Variants in WSCD1 observed in about 807,000 individuals in gnomAD.
WSCD1 encodes the protein sialate:O-sulfotransferase 1.
WSCD1 carries 41 observed loss-of-function variants against 60.4 expected under a neutral mutation model. That is an observed-to-expected ratio of 0.68 (90% CI 0.53 to 0.88). The LOEUF is 0.88. Ranked by LOEUF, WSCD1 falls within the 40% of genes least tolerant of loss-of-function variation. WSCD1 has a pLI of 0.00. For synonymous variants in WSCD1, 361 were observed against 332.5 expected, an observed-to-expected ratio of 1.09 and a Z score of -0.93; for missense variants, 784 against 796.2, an observed-to-expected ratio of 0.98 and a Z score of 0.18.
At chr17:6,100,608 A>AG (rs544239028) in intron 5 of WSCD1, among the ~76,000 whole-genome samples, 9 of 152,240 alleles carry the variant, frequency 5.9e-5, no homozygotes, top group Non-Finnish European at 1.3e-4. Flanking sequence ...ACTCTAGAGC[A>AG]GGGGTTCACA....
intron 1 of WSCD1, chr17:6,071,286 G>A (rs916622): frequency 0.046 from 6,950 of 152,510 alleles, 206 homozygotes; most frequent in Admixed American, 0.067. Flanking sequence ...ACTCAGGAGC[G>A]TACGTACCTG....
intron 5 of WSCD1, among the ~76,000 whole-genome samples, chr17:6,104,664 C>A (rs1910986904): frequency 6.6e-6 from 1 of 152,192 alleles, no homozygotes; most frequent in Non-Finnish European, 1.5e-5. Context: ...CCTTGAATAT[C>A]CAGATCTGCC....
chr17:6,095,120 G>T lies in WSCD1; in HGVS notation c.746G>T (p.Arg249Leu), dbSNP rs777988830. The change falls in exon 5 of 9, where the codon CGC becomes CTC. Residue 249 changes from arginine (R) to leucine (L), a missense_variant. By Grantham distance (102) the Arg-to-Leu change is moderately radical. Transcript: ENST00000317744. ...CCCCCAGGGCGGACCGCCACCTACC[G>T]CGGATGCTTCCGACTGCCAGAGAAC... ...GSRKRRTATY[R>L]GCFRLPENIT... 1 of 1,612,524 alleles carries T rather than the reference G, an allele frequency of 6.2e-7. No individual in the cohort carries two copies. The highest frequency in any genetic ancestry group is 1.3e-5 in the African/African-American group (1 of 74,882).
intron 4 of WSCD1, among the ~76,000 whole-genome samples, chr17:6,091,971 A>G (rs951135785): frequency 1.3e-5 from 2 of 152,234 alleles, no homozygotes; most frequent in East Asian, 3.9e-4. Flanking sequence ...CCTGACCAAC[A>G]TGGTGAAAAC....
intron 2 of WSCD1, among the ~76,000 whole-genome samples, chr17:6,085,164 G>A (rs376339914): frequency 6.6e-6 from 1 of 152,106 alleles, no homozygotes; most frequent in Non-Finnish European, 1.5e-5. Context: ...AATAATAATG[G>A]CTGTTATTTA....
chr17:6,069,304 ATCTT>A (rs547022947), upstream of WSCD1: 51 of 398,610 alleles, frequency 1.3e-4, no homozygotes, highest in East Asian at 1.8e-3. Context: ...CCTGGGAAAA[ATCTT>A]TAGGTTTGGA....
At chr17:6,079,850 G>A (rs962039817) in intron 1 of WSCD1, among the ~76,000 whole-genome samples, 10 of 152,322 alleles carry the variant, frequency 6.6e-5, no homozygotes, top group African/African-American at 2.2e-4. Context: ...TCCAGGCTCC[G>A]AACACAGACT....
chr17:6,102,976 T>A (rs1597365466), intron 5 of WSCD1, among the ~76,000 whole-genome samples: 2 of 152,234 alleles, frequency 1.3e-5, no homozygotes, highest in African/African-American at 4.8e-5. Context: ...ATATGAGCCC[T>A]TTTAAGACTT....
At chr17:6,082,940 G>A (rs1909372889) in intron 2 of WSCD1, among the ~76,000 whole-genome samples, 1 of 152,180 alleles carries the variant, frequency 6.6e-6, no homozygotes, top group East Asian at 1.9e-4. Flanking sequence ...GAGGGCTGTG[G>A]GTTCATGTCG....
In WSCD1 at chr17:6,117,968, CCT is replaced by C. The variant is rs1282538272; in HGVS notation, c.1175-16_1175-15del. 2.5e-6 allele frequency: 4 copies of C among 1,612,260 alleles called. No homozygotes were observed. The highest frequency in any genetic ancestry group is 3.4e-6 in the Non-Finnish European group (4 of 1,179,578). ...CATGGACACCATCTTCCACAGAGACCCTCTCATTTTTCCCTGCAGGGTTCAAG... is the reference window on the plus strand; with the variant it reads ...CATGGACACCATCTTCCACAGAGACCCTCATTTTTCCCTGCAGGGTTCAAG... On this transcript the variant is annotated intron_variant, in intron 7 of 8. Transcript: ENST00000317744.
chr17:6,070,365 G>C (rs1039536596), upstream of WSCD1: 1 of 147,342 alleles, frequency 6.8e-6, no homozygotes, highest in Non-Finnish European at 1.5e-5. Context: ...CCCGGGCCGC[G>C]CGAGTGAGCA....
At chr17:6,120,253 C>A in intron 8 of WSCD1, 56 bp from the exon 9 acceptor site, 2 of 1,563,474 alleles carry the variant, frequency 1.3e-6, no homozygotes, top group South Asian at 1.2e-5. Flanking sequence ...CCCCGGGGAC[C>A]GGCAGCCCTG....
At chr17:6,082,534 T>C (rs1371163249) in intron 2 of WSCD1, among the ~76,000 whole-genome samples, 1 of 152,188 alleles carries the variant, frequency 6.6e-6, no homozygotes, top group African/African-American at 2.4e-5. Context: ...CTGTTTATGC[T>C]GAATTATGCA....
chr17:6,099,148 A>G (rs1396743061), intron 5 of WSCD1, among the ~76,000 whole-genome samples: 1 of 152,174 alleles, frequency 6.6e-6, no homozygotes, highest in East Asian at 1.9e-4. Context: ...TATTTTAGGC[A>G]GAAAGTAAGG....
rs1207578787 is a variant in WSCD1 at position 6,094,774 on chromosome 17, AGAAGGAAG to A, written c.728-318_728-311del. ...GGAATGGAGAACTGGCAGAAGCAAG[AGAAGGAAG>A]GAAGGAAGGGAGGAAGGGAGGGAGG... On this transcript the variant is annotated intron_variant, in intron 4 of 8. Coordinates refer to ENST00000317744, the MANE Select transcript of WSCD1 (RefSeq NM_015253.2). Among the ~76,000 whole-genome samples the A allele has an allele frequency of 7.1e-5, 10 of 141,778 alleles. No homozygotes were observed. In the East Asian group the frequency reaches 1.6e-3, roughly 22 times the overall value. The allele number at this position is 141,778 out of a possible 152,430, so 93.0% of individuals were successfully genotyped here.
intron 5 of WSCD1, among the ~76,000 whole-genome samples, chr17:6,097,488 T>G (rs1041530196): frequency 2.6e-5 from 4 of 152,342 alleles, no homozygotes; most frequent in Middle Eastern, 3.4e-3. Context: ...GCACCCGCCC[T>G]TCTGCACTGA....
Position 6,110,698 on chromosome 17 carries a change from T to A in WSCD1, c.1010-73T>A. ...GGGAGTCTTCGTTCATCAGTTCCTC[T>A]AAGGGAGTTTAGTGGTGAATTGGTG... On this transcript the variant is annotated intron_variant, in intron 6 of 8. Transcript: ENST00000317744. The surrounding 1 kb of genome is among the most constrained non-coding windows in gnomAD (Gnocchi z 4.8). 2 of 1,531,512 alleles carry A rather than the reference T, an allele frequency of 1.3e-6. No homozygotes were observed. The highest frequency in any genetic ancestry group is 1.8e-6 in the Non-Finnish European group (2 of 1,130,176). The allele number at this position is 1,531,512 out of a possible 1,614,324, so 94.9% of individuals were successfully genotyped here.
intron 5 of WSCD1, among the ~76,000 whole-genome samples, chr17:6,103,992 A>G (rs1415346381): frequency 1.3e-5 from 2 of 152,250 alleles, no homozygotes; most frequent in African/African-American, 2.4e-5. Context: ...TGAGTAATTT[A>G]TAAAGAAAAG....
chr17:6,111,364 C>T (rs192456843), intron 7 of WSCD1, among the ~76,000 whole-genome samples: 1 of 152,076 alleles, frequency 6.6e-6, no homozygotes, highest in Non-Finnish European at 1.5e-5. Context: ...GGTGACTGTT[C>T]CACCAGATGT....
Sources: allele counts gnomAD v4.1 joint callset (sites outside exome capture counted in the v4.1 genomes callset), GRCh38; gene constraint gnomAD v4.1.1; non-coding constraint Gnocchi (gnomAD v3.1); transcripts MANE v1.5; gene names NCBI Gene and HGNC (gene_info 2026-07-23, HGNC 2026-07-21).